SIMC1: variants seen among roughly 807,000 people sequenced by gnomAD.
SIMC1 encodes the protein SUMO interacting motifs containing 1.
SIMC1 carries 55 observed loss-of-function variants against 82.3 expected under a neutral mutation model. The observed-to-expected ratio is 0.67, with a 90% CI of 0.54 to 0.84. The LOEUF (loss-of-function observed/expected upper bound fraction) is 0.84, where lower values mean the gene tolerates loss of function less well. SIMC1 is among the 40% of genes least tolerant of loss of function. The probability of loss-of-function intolerance (pLI) is 0.00; values close to 1 mark genes in which losing one functional copy is unlikely to be tolerated. For synonymous variants in SIMC1, 353 were observed against 426.3 expected (o/e 0.83, Z 2.12); for missense variants, 915 against 1,107.2 (o/e 0.83, Z 2.46).
At chr5:176,323,698 C>A (rs1765254965) in intron 6 of SIMC1, among the ~76,000 whole-genome samples, 1 of 152,136 alleles carries the variant, frequency 6.6e-6, no homozygotes, top group South Asian at 2.1e-4. Flanking sequence ...TCACAGATAA[C>A]ATGTGTTGCC....
Position 176,290,467 on chromosome 5 carries a change from G to A in SIMC1, c.943G>A (p.Val315Met), listed in dbSNP as rs1763504704. The change falls in exon 2 of 10, where the codon GTG becomes ATG. Residue 315 changes from valine (V) to methionine (M), a missense_variant. Val to Met is a conservative substitution (Grantham distance 21). This residue lies in a region of SIMC1 where 902 missense variants were observed against 1,040.3 expected (regional missense o/e 0.87). Coordinates refer to ENST00000429602, the MANE Select transcript of SIMC1 (RefSeq NM_001308195.2). The part of the protein sequence containing the change: ...LQDMPRSPGD[V>M]PQSPSDVSPS... ...AGACATGCCACGGTCACCAGGAGAT[G>A]TGCCACAGTCACCAAGTGATGTTTC... The A allele has an allele frequency of 6.2e-7, 1 of 1,613,852 alleles. No individual in the cohort carries two copies.
At chr5:176,277,594 A>T (rs1762771411) in intron 1 of SIMC1, among the ~76,000 whole-genome samples, 2 of 152,074 alleles carry the variant, frequency 1.3e-5, no homozygotes, top group Non-Finnish European at 2.9e-5. Context: ...CTAACGTTTA[A>T]GTCTTTAATC....
At chr5:176,246,050 C>T (rs1442223078) in intron 1 of SIMC1, among the ~76,000 whole-genome samples, 1 of 149,874 alleles carries the variant, frequency 6.7e-6, no homozygotes, top group South Asian at 2.1e-4. Context: ...CGCTCTGTCA[C>T]CCAGGCTGGA....
chr5:176,342,573 T>C (rs1222147193), intron 9 of SIMC1, among the ~76,000 whole-genome samples: 1 of 152,214 alleles, frequency 6.6e-6, no homozygotes, highest in African/African-American at 2.4e-5. Context: ...AAGGACTTCT[T>C]GCTGCGTCTT....
intron 5 of SIMC1, among the ~76,000 whole-genome samples, chr5:176,320,895 G>A (rs1765130397): frequency 6.6e-6 from 1 of 152,078 alleles, no homozygotes; most frequent in African/African-American, 2.4e-5. Context: ...TTAAAACATG[G>A]CACAGTGGCT....
chr5:176,301,736 G>A (rs1449699506), intron 4 of SIMC1, among the ~76,000 whole-genome samples: 1 of 150,704 alleles, frequency 6.6e-6, no homozygotes, highest in Non-Finnish European at 1.5e-5. Context: ...GCAAGATGGT[G>A]CCACTGCACT....
At chr5:176,343,279 A>G (rs976953425) in intron 9 of SIMC1, among the ~76,000 whole-genome samples, 1 of 152,198 alleles carries the variant, frequency 6.6e-6, no homozygotes, top group African/African-American at 2.4e-5. Context: ...CCTTTTAATA[A>G]CTGTTAGTGA....
At chr5:176,283,040 G>A (rs1763086306) in intron 1 of SIMC1, among the ~76,000 whole-genome samples, 1 of 152,166 alleles carries the variant, frequency 6.6e-6, no homozygotes, top group Non-Finnish European at 1.5e-5. Flanking sequence ...GACCAAATCT[G>A]CGTCTCATTG....
At chr5:176,250,495 A>G (rs963079232) in intron 1 of SIMC1, among the ~76,000 whole-genome samples, 1 of 152,224 alleles carries the variant, frequency 6.6e-6, no homozygotes, top group Non-Finnish European at 1.5e-5. Flanking sequence ...TCCAGACCTG[A>G]GTTCAAGTCC....
At chr5:176,335,448 TTG>T (rs1211231544) in intron 7 of SIMC1, among the ~76,000 whole-genome samples, 1 of 151,766 alleles carries the variant, frequency 6.6e-6, no homozygotes, top group East Asian at 2.0e-4. Flanking sequence ...GGCTAATTTT[TTG>T]TGTTTTAGTA....
chr5:176,269,845 A>G (rs925930090), intron 1 of SIMC1, among the ~76,000 whole-genome samples: 1 of 152,064 alleles, frequency 6.6e-6, no homozygotes, highest in Non-Finnish European at 1.5e-5. Context: ...TCCCAGGTTT[A>G]AGCCGTCCTC....
chr5:176,330,226 C>T (rs1765581365), intron 7 of SIMC1, among the ~76,000 whole-genome samples: 1 of 152,006 alleles, frequency 6.6e-6, no homozygotes, highest in African/African-American at 2.4e-5. Flanking sequence ...CATGGTGAAA[C>T]CCTGTCTCTA....
chr5:176,308,596 C>T, intron 4 of SIMC1: 2 of 1,582,802 alleles, frequency 1.3e-6, no homozygotes, highest in Non-Finnish European at 1.7e-6. Context: ...TCCATACAGG[C>T]CCAAAAGAGT....
At position 176,322,414 on chromosome 5, in the gene SIMC1, C is replaced by T. The variant is rs759131437; in HGVS notation, c.2031C>T (p.Asn677=). The T allele has an allele frequency of 2.5e-6, 4 of 1,608,972 alleles. No homozygotes were observed. The highest frequency in any genetic ancestry group is 2.5e-6 in the Non-Finnish European group (3 of 1,177,778). Residue 677 remains asparagine, a synonymous_variant, in exon 6 of 10, where the codon AAC becomes AAT. Transcript: ENST00000429602. ...HPSSQPNLTK[N]TNQLIVCQLQ... ...CTTCCCAGCCCAACCTGACAAAGAACACCAATCAGCTGTAAGGGGCAGGCA... is the reference window on the plus strand; with the variant it reads ...CTTCCCAGCCCAACCTGACAAAGAATACCAATCAGCTGTAAGGGGCAGGCA...
rs1264387537 is a variant in SIMC1, at chr5:176,313,684, C to T, written c.1735-7C>T. 2 of 1,611,908 alleles carry T rather than the reference C, an allele frequency of 1.2e-6. No individual in the cohort carries two copies. The highest frequency in any genetic ancestry group is 2.7e-5 in the African/African-American group (2 of 74,732). On this transcript the variant is annotated splice_region_variant and splice_polypyrimidine_tract_variant and intron_variant, in intron 4 of 9. Coordinates refer to ENST00000429602, the MANE Select transcript of SIMC1 (RefSeq NM_001308195.2). ...GAAAGACTGACTTCTCATTCTTTTT[C>T]CCACAGGGACAAACTCTGCCTGGGC...
At chr5:176,279,214 C>G (rs1161473594) in intron 1 of SIMC1, among the ~76,000 whole-genome samples, 2 of 152,164 alleles carry the variant, frequency 1.3e-5, no homozygotes, top group African/African-American at 4.8e-5. Flanking sequence ...TCCATTTCTT[C>G]TAGATTTTCT....
intron 7 of SIMC1, among the ~76,000 whole-genome samples, chr5:176,335,966 C>T (rs1044522462): frequency 6.6e-6 from 1 of 151,592 alleles, no homozygotes; most frequent in Non-Finnish European, 1.5e-5. Context: ...TCACTTTGAG[C>T]CCAAGAGATT....
chr5:176,313,933 G>T (rs1764786980), intron 5 of SIMC1, 88 bp downstream of exon 5: 1 of 1,556,794 alleles, frequency 6.4e-7, no homozygotes, highest in African/African-American at 1.4e-5. Context: ...GCCAGGTGAG[G>T]TTTTCTAGTC....
chr5:176,294,185 A>G (rs1005151599), intron 2 of SIMC1, among the ~76,000 whole-genome samples: 18 of 152,364 alleles, frequency 1.2e-4, no homozygotes, highest in African/African-American at 3.8e-4. Context: ...ATATTTTAAC[A>G]TAGATGAAAT....
Sources: allele counts gnomAD v4.1 joint callset (sites outside exome capture counted in the v4.1 genomes callset), GRCh38; gene constraint gnomAD v4.1.1; regional missense constraint gnomAD v4.1.1; transcripts MANE v1.5; gene names NCBI Gene and HGNC (gene_info 2026-07-23, HGNC 2026-07-21).